The following MMP16 variants were observed in gnomAD, a reference collection of about 807,000 sequenced individuals.
The protein encoded by MMP16 is matrix metalloproteinase-16.
In MMP16, 12 loss-of-function variants were observed where a neutral mutation model predicts 67.8. That is an observed-to-expected ratio of 0.18 (90% CI 0.11 to 0.29). The LOEUF is 0.29. Ranked by LOEUF, MMP16 falls within the 10% of genes least tolerant of loss-of-function variation. The pLI is 1.00. For synonymous variants in MMP16, 249 were observed against 255.9 expected (o/e 0.97, Z 0.26); for missense variants, 475 against 765.7 (o/e 0.62, Z 4.48).
intron 4 of MMP16, among the ~76,000 whole-genome samples, chr8:88,151,714 G>C (rs1808410765): frequency 6.6e-6 from 1 of 151,694 alleles, no homozygotes. Flanking sequence ...ATTCAAAGCA[G>C]TGTGTAGAGG....
chr8:88,230,890 G>A (rs1001252963), intron 1 of MMP16, among the ~76,000 whole-genome samples: 1 of 151,998 alleles, frequency 6.6e-6, no homozygotes, highest in Non-Finnish European at 1.5e-5. Flanking sequence ...CAAAATCTTA[G>A]AACTCAGCAA....
chr8:88,295,844 A>G (rs984708835), intron 1 of MMP16, among the ~76,000 whole-genome samples: 2 of 152,168 alleles, frequency 1.3e-5, no homozygotes, highest in African/African-American at 4.8e-5. Context: ...TTTACAAGAC[A>G]TATTTTTATG....
intron 6 of MMP16, 145 bp from the exon 7 acceptor site, chr8:88,074,888 T>C (rs1808619797): frequency 6.5e-6 from 7 of 1,069,606 alleles, no homozygotes; most frequent in African/African-American, 3.2e-5. Flanking sequence ...GCTAAACAAC[T>C]TGACCGCAAT....
intron 1 of MMP16, among the ~76,000 whole-genome samples, chr8:88,223,155 A>G (rs1809713100): frequency 6.6e-6 from 1 of 152,162 alleles, no homozygotes. Context: ...AACATCTCAC[A>G]CCAGTTAGAA....
At chr8:88,164,551 A>T (rs1030226412) in intron 4 of MMP16, among the ~76,000 whole-genome samples, 1 of 152,008 alleles carries the variant, frequency 6.6e-6, no homozygotes, top group African/African-American at 2.4e-5. Context: ...TAAGCAGTAA[A>T]TCTTTTTGGC....
At chr8:88,170,021 T>C (rs1054515397) in intron 3 of MMP16, among the ~76,000 whole-genome samples, 2 of 152,050 alleles carry the variant, frequency 1.3e-5, no homozygotes, top group African/African-American at 4.8e-5. Context: ...AAAATCCAGG[T>C]GAGAGATGAT....
chr8:88,055,195 A>G (rs1252580877), intron 8 of MMP16, among the ~76,000 whole-genome samples: 1 of 152,016 alleles, frequency 6.6e-6, no homozygotes, highest in Non-Finnish European at 1.5e-5. Flanking sequence ...AAGCTACTGT[A>G]AGGGTTTTTT....
In MMP16 at chr8:88,075,886, A is replaced by G. The variant is rs528160008; in HGVS notation, c.1084-1143T>C. The stretch of plus-strand genomic sequence containing the variant: ...GACCTTCTCATGCTTTTGGCCAACA[A>G]TATGTTAGCCTGACCAAACTTTCTA... On this transcript the variant is annotated intron_variant, in intron 6 of 9. Coordinates refer to ENST00000286614, the MANE Select transcript of MMP16 (RefSeq NM_005941.5). Among the ~76,000 whole-genome samples, 22 of 151,150 alleles carry G rather than the reference A, an allele frequency of 1.5e-4. No homozygotes were observed. The South Asian group carries it at 2.7e-3, about 19-fold the overall frequency.
At chr8:88,322,638 G>A (rs1586019875) in intron 1 of MMP16, among the ~76,000 whole-genome samples, 1 of 151,572 alleles carries the variant, frequency 6.6e-6, no homozygotes, top group East Asian at 1.9e-4. Context: ...AGACCAGCCT[G>A]GACAACATAG....
chr8:88,204,596 C>T (rs1258567383), intron 1 of MMP16, among the ~76,000 whole-genome samples: 13 of 151,662 alleles, frequency 8.6e-5, no homozygotes, highest in Non-Finnish European at 1.3e-4. Flanking sequence ...TTTAGTTCAC[C>T]TTAATATTTC....
At chr8:88,142,285 A>T (rs1031700006) in intron 4 of MMP16, among the ~76,000 whole-genome samples, 1 of 152,148 alleles carries the variant, frequency 6.6e-6, no homozygotes, top group Non-Finnish European at 1.5e-5. Flanking sequence ...AAATAATCCT[A>T]TTATATTCAA....
At chr8:88,097,743 C>A (rs1451775269) in intron 6 of MMP16, among the ~76,000 whole-genome samples, 1 of 151,114 alleles carries the variant, frequency 6.6e-6, no homozygotes, top group Non-Finnish European at 1.5e-5. Context: ...TGACAAAGTT[C>A]ATAATTCAGT....
At chr8:88,304,074 C>T (rs1348500678) in intron 1 of MMP16, among the ~76,000 whole-genome samples, 1 of 152,070 alleles carries the variant, frequency 6.6e-6, no homozygotes, top group Non-Finnish European at 1.5e-5. Flanking sequence ...AAGCTGATAG[C>T]CAGAATAGCC....
At chr8:88,115,624 A>G in intron 6 of MMP16, among the ~76,000 whole-genome samples, 1 of 152,212 alleles carries the variant, frequency 6.6e-6, no homozygotes, top group Non-Finnish European at 1.5e-5. Flanking sequence ...TGTAAGTAGA[A>G]CAGCATTGGA....
intron 7 of MMP16, among the ~76,000 whole-genome samples, chr8:88,065,352 GA>G (rs1808451158): frequency 6.6e-6 from 1 of 151,926 alleles, no homozygotes; most frequent in African/African-American, 2.4e-5. Flanking sequence ...AAATATAAAT[GA>G]AAATAGACAT....
At chr8:88,122,622 A>G (rs903937150) in intron 4 of MMP16, among the ~76,000 whole-genome samples, 3 of 151,920 alleles carry the variant, frequency 2.0e-5, no homozygotes, top group Non-Finnish European at 4.4e-5. Flanking sequence ...AAATTTCTCC[A>G]GTGCTTAGTG....
chr8:88,154,818 G>A (rs1468440404), intron 4 of MMP16, among the ~76,000 whole-genome samples: 1 of 145,810 alleles, frequency 6.9e-6, no homozygotes, highest in Non-Finnish European at 1.5e-5. Context: ...GTATACATAT[G>A]TAACTAACCT....
At chr8:88,286,867 G>A (rs773431669) in intron 1 of MMP16, among the ~76,000 whole-genome samples, 11 of 152,038 alleles carry the variant, frequency 7.2e-5, no homozygotes, top group South Asian at 4.2e-4. Flanking sequence ...CACCACGCCC[G>A]GCCTGGAACT....
At chr8:88,121,047 C>T (rs1007823930) in intron 4 of MMP16, among the ~76,000 whole-genome samples, 14 of 148,748 alleles carry the variant, frequency 9.4e-5, no homozygotes, top group Non-Finnish European at 1.6e-4. Flanking sequence ...AAACCTCTCA[C>T]AAGAAAATAG....
Sources: allele counts gnomAD v4.1 joint callset (sites outside exome capture counted in the v4.1 genomes callset), GRCh38; gene constraint gnomAD v4.1.1; transcripts MANE v1.5; gene names NCBI Gene and HGNC (gene_info 2026-07-23, HGNC 2026-07-21).